The following NRG1 variants were observed in gnomAD, a reference collection of about 807,000 sequenced individuals.
NRG1 encodes neuregulin 1.
In NRG1, 18 loss-of-function variants were observed where a neutral mutation model predicts 63.8. The observed-to-expected ratio is 0.28, with a 90% CI of 0.19 to 0.42. NRG1 has a LOEUF of 0.42. Ranked by LOEUF, NRG1 falls within the 10% of genes least tolerant of loss-of-function variation. NRG1 has a pLI of 1.00. For missense variants in NRG1, 762 were observed against 814.7 expected (o/e 0.94, Z 0.79); for synonymous variants, 302 against 301.3 (o/e 1.00, Z -0.02).
At chr8:32,622,875 A>G (rs894636594) in intron 5 of NRG1, among the ~76,000 whole-genome samples, 1 of 152,238 alleles carries the variant, frequency 6.6e-6, no homozygotes. Flanking sequence ...AATAAAAGTC[A>G]GAGAGTCTCT....
At chr8:32,614,487 T>C in intron 3 of NRG1, 27 bp from the exon 4 acceptor site, 1 of 1,611,178 alleles carries the variant, frequency 6.2e-7, no homozygotes, top group Non-Finnish European at 8.5e-7. Flanking sequence ...TTATATATCA[T>C]AATGTCCTAT....
At chr8:31,978,003 T>C (rs928707361) in intron 1 of NRG1, among the ~76,000 whole-genome samples, 24 of 152,102 alleles carry the variant, frequency 1.6e-4, no homozygotes, top group African/African-American at 5.8e-4. Flanking sequence ...CTCATTAAGA[T>C]GAGGGAATGC....
intron 1 of NRG1, among the ~76,000 whole-genome samples, chr8:31,705,336 G>A (rs1811047786): frequency 6.6e-6 from 1 of 151,994 alleles, no homozygotes; most frequent in African/African-American, 2.4e-5. Context: ...GTGAGCCACC[G>A]CGCCCCAGCC....
chr8:32,120,041 T>G (rs1833233575), intron 1 of NRG1, among the ~76,000 whole-genome samples: 1 of 152,076 alleles, frequency 6.6e-6, no homozygotes, highest in African/African-American at 2.4e-5. Context: ...CTCAGTTTTC[T>G]CAGCTTTAAA....
At chr8:31,760,393 A>G (rs1817412387) in intron 1 of NRG1, among the ~76,000 whole-genome samples, 2 of 152,190 alleles carry the variant, frequency 1.3e-5, no homozygotes, top group African/African-American at 4.8e-5. Flanking sequence ...AGGCATGGGC[A>G]AGGACTTCAT....
chr8:32,109,662 A>G (rs1831743871), intron 1 of NRG1, among the ~76,000 whole-genome samples: 2 of 152,072 alleles, frequency 1.3e-5, no homozygotes, highest in African/African-American at 4.8e-5. Context: ...TGTGTTCCCT[A>G]GATAGATTCC....
intron 6 of NRG1, among the ~76,000 whole-genome samples, chr8:32,730,516 T>G (rs1272219215): frequency 6.6e-6 from 1 of 152,170 alleles, no homozygotes; most frequent in African/African-American, 2.4e-5. Flanking sequence ...TCCTTTTAGA[T>G]CTGAATTATC....
intron 1 of NRG1, among the ~76,000 whole-genome samples, chr8:31,935,681 A>C (rs1835243919): frequency 6.6e-6 from 1 of 151,918 alleles, no homozygotes; most frequent in Non-Finnish European, 1.5e-5. Flanking sequence ...CACTGGCCAG[A>C]CTCCCTATCT....
chr8:32,528,796 A>G (rs1831149849), intron 1 of NRG1, among the ~76,000 whole-genome samples: 1 of 152,224 alleles, frequency 6.6e-6, no homozygotes, highest in East Asian at 1.9e-4. Flanking sequence ...TGTAGCTTTA[A>G]TTCAACACAC....
chr8:31,878,954 C>T (rs1390598203), intron 1 of NRG1, among the ~76,000 whole-genome samples: 3 of 151,938 alleles, frequency 2.0e-5, no homozygotes, highest in Admixed American at 1.3e-4. Flanking sequence ...GAGCCGAGAT[C>T]GCGCTACTGC....
intron 1 of NRG1, among the ~76,000 whole-genome samples, chr8:31,947,251 G>T (rs990195059): frequency 4.1e-5 from 6 of 147,796 alleles, no homozygotes; most frequent in Admixed American, 1.3e-4. Flanking sequence ...AGTGAGCTGA[G>T]ATTGCGCCAC....
intron 1 of NRG1, among the ~76,000 whole-genome samples, chr8:32,113,664 T>C (rs1448501504): frequency 6.6e-6 from 1 of 152,222 alleles, no homozygotes; most frequent in Non-Finnish European, 1.5e-5. Flanking sequence ...AAGGAACAAA[T>C]TTGTCTAAGG....
rs1250636284 is a variant in NRG1, at chr8:31,947,429, C to CATTATT, written c.37+308011_37+308016dup. Reference sequence around the variant, plus strand: ...TCAGCTATGTTGTTTTTGTTATTGTCATTATTATTATTATTATTTATTACT... The same window carrying CATTATT: ...TCAGCTATGTTGTTTTTGTTATTGTCATTATTATTATTATTATTATTATTTATTACT... On this transcript the variant is annotated intron_variant, in intron 1 of 10. Coordinates refer to the NRG1 transcript ENST00000519301. Among the ~76,000 whole-genome samples, 6 of 150,796 alleles carry CATTATT rather than the reference C, an allele frequency of 4.0e-5. No individual in the cohort carries two copies. In the South Asian group the frequency reaches 1.3e-3, roughly 32 times the overall value.
At chr8:32,625,198 G>T (rs528493047) in intron 5 of NRG1, among the ~76,000 whole-genome samples, 8 of 152,238 alleles carry the variant, frequency 5.3e-5, no homozygotes, top group African/African-American at 1.4e-4. Flanking sequence ...TTAATAACTT[G>T]CTGTGTATAC....
intron 1 of NRG1, among the ~76,000 whole-genome samples, chr8:32,485,447 T>G (rs1440622518): frequency 6.6e-6 from 1 of 152,164 alleles, no homozygotes; most frequent in Non-Finnish European, 1.5e-5. Context: ...CTCTCTCATA[T>G]TAATAATAAG....
chr8:31,787,890 G>A (rs1490250584), intron 1 of NRG1, among the ~76,000 whole-genome samples: 4 of 152,112 alleles, frequency 2.6e-5, no homozygotes, highest in African/African-American at 7.2e-5. Context: ...GCAATAGCTA[G>A]CATTTGTTGA....
chr8:31,732,142 C>T (rs1390936049), intron 1 of NRG1, among the ~76,000 whole-genome samples: 1 of 152,112 alleles, frequency 6.6e-6, no homozygotes, highest in Non-Finnish European at 1.5e-5. Context: ...AGCAGGGAGA[C>T]CTTTCTCACT....
intron 1 of NRG1, chr8:32,221,107 T>A (rs573537550): frequency 6.6e-6 from 1 of 152,284 alleles, no homozygotes; most frequent in East Asian, 1.9e-4. Flanking sequence ...AATGAAATGA[T>A]TTTTTTAGCT....
intron 1 of NRG1, among the ~76,000 whole-genome samples, chr8:32,250,771 T>C (rs1018003674): frequency 6.6e-6 from 1 of 152,102 alleles, no homozygotes; most frequent in Non-Finnish European, 1.5e-5. Flanking sequence ...CAGATTCCTA[T>C]AAATATTTTA....
Sources: gnomAD v4.1 joint callset for allele counts (sites outside exome capture counted in the v4.1 genomes callset) on GRCh38, gnomAD v4.1.1 for gene constraint, MANE v1.5 for transcripts, NCBI Gene and HGNC (gene_info 2026-07-23, HGNC 2026-07-21) for gene names.